Variants in EXD2 observed in about 807,000 individuals in gnomAD.
EXD2 encodes exonuclease 3'-5' domain containing 2, also known as exonuclease 3'-5' domain-containing protein 2.
A neutral mutation model predicts 62.5 loss-of-function variants in EXD2; 40 were observed. That is an observed-to-expected ratio of 0.64 (90% CI 0.50 to 0.83). The LOEUF is 0.83. Ranked by LOEUF, EXD2 falls within the 40% of genes least tolerant of loss-of-function variation. EXD2 has a pLI of 0.00. For missense variants in EXD2, 671 were observed against 761.8 expected (o/e 0.88, Z 1.40); for synonymous variants, 239 against 291.9 (o/e 0.82, Z 1.85).
chr14:69,235,732 C>T (rs1405191617), intron 6 of EXD2: 2 of 367,588 alleles, frequency 5.4e-6, no homozygotes, highest in Admixed American at 4.4e-5. Flanking sequence ...AGTGATTTGG[C>T]AGTTTTCTTG....
intron 1 of EXD2, among the ~76,000 whole-genome samples, chr14:69,195,751 A>G (rs1435473574): frequency 2.0e-5 from 3 of 152,180 alleles, no homozygotes; most frequent in Non-Finnish European, 2.9e-5. Context: ...TGTTTTGTGT[A>G]AAAGGAATCA....
intron 3 of EXD2, among the ~76,000 whole-genome samples, chr14:69,212,619 T>G (rs1473231981): frequency 1.3e-5 from 2 of 151,020 alleles, no homozygotes; most frequent in African/African-American, 4.9e-5. Context: ...TGGGCTAAAA[T>G]GATCCTTCTG....
intron 1 of EXD2, among the ~76,000 whole-genome samples, chr14:69,199,569 T>G (rs1255366779): frequency 6.6e-6 from 1 of 152,200 alleles, no homozygotes; most frequent in Admixed American, 6.5e-5. Flanking sequence ...TAAAAATGTT[T>G]ATCTCTTTAT....
chr14:69,216,571 G>T (rs1166938668), intron 3 of EXD2, among the ~76,000 whole-genome samples: 2 of 152,036 alleles, frequency 1.3e-5, no homozygotes, highest in African/African-American at 4.8e-5. Flanking sequence ...GGGACAATAG[G>T]TGCCTGCTAC....
At chr14:69,228,672 A>T (rs780602054) in intron 3 of EXD2, 144 bp from the exon 4 acceptor site, 12 of 1,003,874 alleles carry the variant, frequency 1.2e-5, no homozygotes, top group Non-Finnish European at 1.7e-5. Flanking sequence ...CTGTAGACTT[A>T]TCTGTAGATG....
chr14:69,207,201 AT>A lies in EXD2; in HGVS notation c.-47-2213del, dbSNP rs1345909164. Among the ~76,000 whole-genome samples, 41 of 150,614 alleles carry A rather than the reference AT, an allele frequency of 2.7e-4. No individual in the cohort carries two copies. The East Asian group carries it at 5.6e-3, about 21-fold the overall frequency. On this transcript the variant is annotated intron_variant, in intron 2 of 9. Coordinates refer to ENST00000685843, the MANE Select transcript of EXD2 (RefSeq NM_001193360.2). ...ATCCAGAAGTTATTGTAAATATGAA[AT>A]TTTTTTTTTGGCCCAGTGCAGTGGC...
At chr14:69,203,662 G>A (rs1479154588) in intron 1 of EXD2, among the ~76,000 whole-genome samples, 1 of 152,242 alleles carries the variant, frequency 6.6e-6, no homozygotes, top group African/African-American at 2.4e-5. Context: ...GTTACTGGAA[G>A]TATTCAGTCA....
At chr14:69,194,129 C>T (rs530573704) in intron 1 of EXD2, among the ~76,000 whole-genome samples, 12 of 138,752 alleles carry the variant, frequency 8.6e-5, no homozygotes, top group Middle Eastern at 3.6e-3. Context: ...TCACCTCGAA[C>T]AGTCAGTCCA....
rs373526440 is a variant in EXD2 at position 69,236,038 on chromosome 14, C to A, written c.1050-8C>A. 14 of 1,608,342 alleles carry A rather than the reference C, an allele frequency of 8.7e-6. No individual in the cohort carries two copies. Among genetic ancestry groups the A allele is most frequent in the African/African-American group, 2.7e-5 (2 of 74,804 alleles). On this transcript the variant is annotated splice_polypyrimidine_tract_variant and splice_region_variant and intron_variant, in intron 6 of 9. Transcript: ENST00000685843. ...CCGGTTTGAGATTTCTCTTTCCTTT[C>A]CCTGCAGAAAATCACCTCTTTATGA...
intron 6 of EXD2, 78 bp from the exon 7 acceptor site, chr14:69,235,968 A>AT (rs1422109407): frequency 9.7e-7 from 1 of 1,026,950 alleles, no homozygotes; most frequent in African/African-American, 1.6e-5. Flanking sequence ...GTCACTCAGA[A>AT]GAGAGCATGG....
chr14:69,192,908 C>T (rs1456775180), intron 1 of EXD2, among the ~76,000 whole-genome samples: 2 of 152,148 alleles, frequency 1.3e-5, no homozygotes, highest in African/African-American at 4.8e-5. Context: ...TGGCGGAGAA[C>T]ATCCTTCCCA....
In EXD2 at chr14:69,237,623, G is replaced by A; in HGVS notation, c.1341G>A (p.Met447Ile). ...ACCGGAAGCACTTCCCCATCGAGAT[G>A]AAGGACCACAACTCCCACGATGTGC... is the stretch of plus-strand genomic sequence containing the variant. ...HEYRKHFPIE[M>I]KDHNSHDVLL... is the part of the protein sequence containing the mutation. Residue 447 changes from methionine to isoleucine, a missense_variant, in exon 9 of 10, where the codon ATG becomes ATA. Met to Ile is a conservative substitution (Grantham distance 10). Transcript: ENST00000685843. The A allele has an allele frequency of 6.2e-7, 1 of 1,614,234 alleles. No homozygotes were observed. Among genetic ancestry groups the A allele is most frequent in the East Asian group, 2.2e-5 (1 of 44,892 alleles).
At chr14:69,229,162 A>T in intron 4 of EXD2, 90 bp downstream of exon 4, 3 of 1,518,042 alleles carry the variant, frequency 2.0e-6, no homozygotes, top group South Asian at 2.5e-5. Flanking sequence ...ATAGTGAGAC[A>T]TGTGAAATTG....
intron 3 of EXD2, among the ~76,000 whole-genome samples, chr14:69,226,307 G>A (rs952602691): frequency 1.3e-5 from 2 of 152,144 alleles, no homozygotes; most frequent in Admixed American, 1.3e-4. Context: ...CCTTGGCTGA[G>A]CCTCAAGAAA....
In EXD2 at chr14:69,240,915, C is replaced by T. The variant is rs766145236; in HGVS notation, c.1681C>T (p.Leu561=). 7.4e-6 allele frequency: 12 copies of T among 1,613,618 alleles called. No homozygotes were observed. Among genetic ancestry groups the T allele is most frequent in the Non-Finnish European group, 1.0e-5 (12 of 1,179,992 alleles). ...ISNENYVPHG[L]KVVQCHSQGG... ...CAATGAAAACTATGTTCCTCACGGG[C>T]TGAAGGTGGTGCAGTGTCACAGCCA... The change falls in exon 10 of 10, where the codon CTG becomes TTG. Residue 561 remains leucine (L), a synonymous_variant. Coordinates refer to ENST00000685843, the MANE Select transcript of EXD2 (RefSeq NM_001193360.2).
intron 8 of EXD2, 55 bp from the exon 9 acceptor site, chr14:69,237,520 C>T: frequency 6.5e-7 from 1 of 1,545,226 alleles, no homozygotes; most frequent in Non-Finnish European, 8.9e-7. Flanking sequence ...TGCTGTCTTC[C>T]CATGTGCTCT....
In EXD2 at chr14:69,242,846, G is replaced by GT. The variant is rs2044015729; in HGVS notation, c.*1747dup. On this transcript the variant is annotated 3_prime_UTR_variant, in exon 10 of 10. Coordinates refer to ENST00000685843, the MANE Select transcript of EXD2 (RefSeq NM_001193360.2). ...AGAAAAAAGCAACTGGTTACTGAACGTAACTCATGACTTATGTTTCAAATT... is the reference window on the plus strand; with the variant it reads ...AGAAAAAAGCAACTGGTTACTGAACGTTAACTCATGACTTATGTTTCAAATT... 1 of 152,196 alleles carries GT rather than the reference G, an allele frequency of 6.6e-6. No homozygotes were observed. 9.4% of individuals were successfully genotyped at this position (152,196 alleles called of 1,614,324 possible).
At chr14:69,223,261 T>G (rs936062908) in intron 3 of EXD2, among the ~76,000 whole-genome samples, 1 of 152,208 alleles carries the variant, frequency 6.6e-6, no homozygotes, top group African/African-American at 2.4e-5. Flanking sequence ...GCCTTTCATA[T>G]TCACCTGCCT....
chr14:69,191,856 T>TCC (rs2042035580), intron 1 of EXD2: 2 of 152,286 alleles, frequency 1.3e-5, no homozygotes, highest in South Asian at 4.1e-4. Context: ...GCCCGCGGCC[T>TCC]CCCACGCCCT....
Sources: gnomAD v4.1 joint callset for allele counts (sites outside exome capture counted in the v4.1 genomes callset) on GRCh38, gnomAD v4.1.1 for gene constraint, MANE v1.5 for transcripts, NCBI Gene and HGNC (gene_info 2026-07-23, HGNC 2026-07-21) for gene names.